Variants in RIMS2 observed in about 807,000 individuals in gnomAD.
RIMS2 encodes regulating synaptic membrane exocytosis protein 2.
RIMS2 carries 59 observed loss-of-function variants against 174.4 expected under a neutral mutation model. The observed-to-expected ratio is 0.34, with a 90% CI of 0.27 to 0.42. RIMS2 has a LOEUF of 0.42. Among genes scored for constraint, RIMS2 ranks in the 10% least tolerant of loss-of-function variants. RIMS2 has a pLI of 1.00. For synonymous variants in RIMS2, 606 were observed against 572.5 expected (o/e 1.06, Z -0.84); for missense variants, 1,620 against 1,666.3 (o/e 0.97, Z 0.48).
At chr8:104,066,661 T>G (rs2097110885) in intron 19 of RIMS2, among the ~76,000 whole-genome samples, 1 of 152,172 alleles carries the variant, frequency 6.6e-6, no homozygotes, top group African/African-American at 2.4e-5. Context: ...ATTTACATCA[T>G]GGAGGCACTC....
At chr8:104,231,580 CTG>C (rs1396786727) in intron 19 of RIMS2, among the ~76,000 whole-genome samples, 2 of 152,160 alleles carry the variant, frequency 1.3e-5, no homozygotes, top group Non-Finnish European at 2.9e-5. Context: ...AGAGGAAAAA[CTG>C]TGTGGCTGAA....
chr8:103,621,395 G>A (rs911355387), intron 1 of RIMS2, among the ~76,000 whole-genome samples: 5 of 152,200 alleles, frequency 3.3e-5, no homozygotes, highest in Admixed American at 6.5e-5. Flanking sequence ...AAGAGGCAAA[G>A]GCAGAGGAGA....
chr8:104,010,031 C>CAGAT (rs2095708534), intron 17 of RIMS2, among the ~76,000 whole-genome samples: 1 of 151,414 alleles, frequency 6.6e-6, no homozygotes, highest in Non-Finnish European at 1.5e-5. Context: ...GATGGACGGA[C>CAGAT]GGACGGATGA....
intron 2 of RIMS2, among the ~76,000 whole-genome samples, chr8:103,749,922 G>A (rs1312653215): frequency 2.0e-5 from 3 of 152,050 alleles, no homozygotes; most frequent in Non-Finnish European, 4.4e-5. Flanking sequence ...CAGAATAGGT[G>A]ATTGCTGCCT....
chr8:103,869,909 A>G (rs1016304696), intron 3 of RIMS2, among the ~76,000 whole-genome samples: 2 of 152,168 alleles, frequency 1.3e-5, no homozygotes, highest in Non-Finnish European at 2.9e-5. Flanking sequence ...TGTGGCAGTT[A>G]GGGGAGGGGA....
intron 1 of RIMS2, among the ~76,000 whole-genome samples, chr8:103,578,726 G>C (rs2093416852): frequency 6.6e-6 from 1 of 152,036 alleles, no homozygotes; most frequent in South Asian, 2.1e-4. Context: ...GAGCACAGTG[G>C]CTCACACCTG....
Position 103,888,958 on chromosome 8 carries a change from G to A in RIMS2, c.1624+2735G>A, listed in dbSNP as rs191896285. ...TGAATTTGGAAGAATAAACTTGAAT[G>A]AAGTAATCTTTTTTCTGTTTGATAT... On this transcript the variant is annotated intron_variant, in intron 4 of 23. Coordinates refer to ENST00000504942, the Ensembl canonical transcript of RIMS2. Among the ~76,000 whole-genome samples the A allele has an allele frequency of 1.5e-4, 23 of 151,720 alleles. 1 individual carries two copies. Among genetic ancestry groups the A allele is most frequent in the Admixed American group, 1.3e-3 (19 of 15,192 alleles).
At chr8:103,512,844 A>G (rs1197745098) in intron 1 of RIMS2, among the ~76,000 whole-genome samples, 1 of 152,148 alleles carries the variant, frequency 6.6e-6, no homozygotes. Context: ...TCAACATACA[A>G]ATTGATGATG....
At chr8:103,661,129 A>G (rs1414313887) in intron 1 of RIMS2, among the ~76,000 whole-genome samples, 1 of 152,186 alleles carries the variant, frequency 6.6e-6, no homozygotes, top group African/African-American at 2.4e-5. Context: ...GAATCATACA[A>G]TGTATTCTAT....
In RIMS2 at chr8:104,244,969, C is replaced by G. The variant is rs182290714; in HGVS notation, c.3388C>G (p.Leu1130Val). Residue 1130 changes from leucine (L) to valine (V), a missense_variant, in exon 20 of 24, where the codon CTG becomes GTG. Physicochemically the swap from Leu to Val is conservative, Grantham distance 32. Transcript: ENST00000504942. ...TGTCCAAAGAAGTACAGAAACAGGC[C>G]TGGCCGTGGAAATGAGGAACTGGAT... 4 of 1,613,812 alleles carry G rather than the reference C, an allele frequency of 2.5e-6. No individual in the cohort carries two copies. The East Asian group carries it at 8.9e-5, about 36-fold the overall frequency.
At chr8:104,228,192 C>A (rs2099201252) in intron 19 of RIMS2, among the ~76,000 whole-genome samples, 1 of 151,918 alleles carries the variant, frequency 6.6e-6, no homozygotes, top group Non-Finnish European at 1.5e-5. Context: ...CCATGCCTGG[C>A]TAATTTTTTG....
At chr8:103,772,249 AT>A (rs1419265084) in intron 3 of RIMS2, among the ~76,000 whole-genome samples, 6 of 151,992 alleles carry the variant, frequency 3.9e-5, no homozygotes, top group Non-Finnish European at 7.4e-5. Flanking sequence ...GAACATGATT[AT>A]TTATATAGAA....
intron 3 of RIMS2, among the ~76,000 whole-genome samples, chr8:103,871,592 G>A (rs943260068): frequency 5.9e-5 from 9 of 151,598 alleles, no homozygotes; most frequent in South Asian, 2.1e-4. Context: ...CTGTCATTAC[G>A]TTAGCCATTA....
At chr8:104,071,636 C>T (rs1480625205) in intron 19 of RIMS2, among the ~76,000 whole-genome samples, 1 of 152,122 alleles carries the variant, frequency 6.6e-6, no homozygotes, top group East Asian at 1.9e-4. Context: ...CGGGGTTTCA[C>T]CGTGTTAGCC....
chr8:103,910,209 A>C, intron 5 of RIMS2, 112 bp from the exon 8 acceptor site: 1 of 1,590,600 alleles, frequency 6.3e-7, no homozygotes, highest in South Asian at 1.1e-5. Context: ...TTGGTGAGAC[A>C]TGTGGAGCCT....
At chr8:104,172,996 C>T (rs989656233) in intron 19 of RIMS2, among the ~76,000 whole-genome samples, 12 of 152,106 alleles carry the variant, frequency 7.9e-5, no homozygotes, top group South Asian at 2.1e-4. Context: ...GAAAGAGTGG[C>T]GTTTTCCACT....
intron 1 of RIMS2, among the ~76,000 whole-genome samples, chr8:103,630,143 G>T (rs940334283): frequency 2.3e-5 from 2 of 88,166 alleles, no homozygotes; most frequent in Non-Finnish European, 4.7e-5. Flanking sequence ...GAAAACTGAA[G>T]ACAAAAAAAA....
intron 19 of RIMS2, among the ~76,000 whole-genome samples, chr8:104,206,898 A>C (rs1018295451): frequency 7.2e-5 from 11 of 152,232 alleles, no homozygotes; most frequent in Admixed American, 6.5e-4. Flanking sequence ...TTCTGTATGG[A>C]AGAAAGCAGA....
At chr8:103,528,447 T>C (rs1313511217) in intron 1 of RIMS2, among the ~76,000 whole-genome samples, 7 of 152,236 alleles carry the variant, frequency 4.6e-5, no homozygotes, top group Non-Finnish European at 7.3e-5. Flanking sequence ...TTTGGTGTTT[T>C]AGACATGAAG....
Sources: gnomAD v4.1 joint callset for allele counts (sites outside exome capture counted in the v4.1 genomes callset) on GRCh38, gnomAD v4.1.1 for gene constraint, MANE v1.5 for transcripts, NCBI Gene and HGNC (gene_info 2026-07-23, HGNC 2026-07-21) for gene names.